WWOX: variants seen among roughly 807,000 people sequenced by gnomAD.
The protein encoded by WWOX is WW domain containing oxidoreductase, also known as WW domain-containing oxidoreductase.
WWOX carries 69 observed loss-of-function variants against 46.2 expected under a neutral mutation model. The observed-to-expected ratio is 1.49, with a 90% CI of 1.23 to 1.82. The LOEUF is 1.82. Ranked by LOEUF, WWOX falls within the 40% of genes most tolerant of loss-of-function variation. The probability of loss-of-function intolerance (pLI) is 0.00; values close to 1 mark genes in which losing one functional copy is unlikely to be tolerated. For synonymous variants in WWOX, 359 were observed against 202.6 expected (o/e 1.77, Z -6.56); for missense variants, 919 against 542.6 (o/e 1.69, Z -6.89).
chr16:79,083,130 G>A (rs1007849059), intron 8 of WWOX, among the ~76,000 whole-genome samples: 1 of 152,132 alleles, frequency 6.6e-6, no homozygotes, highest in Non-Finnish European at 1.5e-5. Context: ...CCATAGTTGG[G>A]AGCCCAGTGT....
chr16:78,712,934 A>G (rs2048474846), intron 8 of WWOX, among the ~76,000 whole-genome samples: 1 of 152,116 alleles, frequency 6.6e-6, no homozygotes, highest in Non-Finnish European at 1.5e-5. Context: ...AATATTATTC[A>G]GAGGTCTCAA....
intron 8 of WWOX, among the ~76,000 whole-genome samples, chr16:79,097,030 G>A (rs536633611): frequency 6.6e-5 from 10 of 152,208 alleles, no homozygotes; most frequent in African/African-American, 2.4e-4. Context: ...AGAAGGCATA[G>A]AAGGATCTCT....
At chr16:78,717,654 G>C (rs2048595181) in intron 8 of WWOX, among the ~76,000 whole-genome samples, 2 of 152,304 alleles carry the variant, frequency 1.3e-5, no homozygotes, top group Admixed American at 1.3e-4. Flanking sequence ...AGAATGGAAT[G>C]AAAGAGGGGT....
At chr16:79,048,318 A>T (rs1163051240) in intron 8 of WWOX, among the ~76,000 whole-genome samples, 1 of 152,090 alleles carries the variant, frequency 6.6e-6, no homozygotes, top group Non-Finnish European at 1.5e-5. Context: ...CAGGGGCCCC[A>T]GCCCTCCAGC....
At position 79,006,074 on chromosome 16, in the gene WWOX, T is replaced by G. The variant is rs1007919142; in HGVS notation, c.1057-205534T>G. ...TGAGTGAACCCATATCAACAAGGCA[T>G]GGTCACTGCGCTAGGGAAGTCCCTG... On this transcript the variant is annotated intron_variant, in intron 8 of 8. Transcript: ENST00000566780. Among the ~76,000 whole-genome samples the G allele has an allele frequency of 3.3e-5, 5 of 152,140 alleles. No homozygotes were observed. In the South Asian group the frequency reaches 6.2e-4, roughly 19 times the overall value.
intron 3 of WWOX, among the ~76,000 whole-genome samples, chr16:78,114,622 GA>G (rs1267716392): frequency 6.6e-5 from 10 of 151,960 alleles, no homozygotes; most frequent in African/African-American, 2.4e-4. Context: ...GAAATCTACT[GA>G]AAAGAGTGGC....
At chr16:78,557,978 A>G (rs1299156641) in intron 8 of WWOX, among the ~76,000 whole-genome samples, 1 of 152,028 alleles carries the variant, frequency 6.6e-6, no homozygotes. Context: ...CAGGAATTTC[A>G]TTGGATTTCT....
intron 8 of WWOX, among the ~76,000 whole-genome samples, chr16:79,075,354 A>G (rs1409017967): frequency 2.0e-5 from 3 of 152,174 alleles, no homozygotes; most frequent in African/African-American, 4.8e-5. Context: ...AAAATCACTT[A>G]TGCTTCCACC....
intron 8 of WWOX, among the ~76,000 whole-genome samples, chr16:79,029,221 C>A (rs1403169269): frequency 6.6e-6 from 1 of 152,172 alleles, no homozygotes; most frequent in Non-Finnish European, 1.5e-5. Context: ...TTGCCCCACC[C>A]CGTCACGGCT....
Position 78,361,597 on chromosome 16 carries a change from C to T in WWOX, c.517-25263C>T, listed in dbSNP as rs923166290. ...TTCTGAAGAAAGAGCTATCCCTTCT[C>T]CCCCATTTCTTTCTTTTCTTTTCTT... On this transcript the variant is annotated intron_variant, in intron 5 of 8. Transcript: ENST00000566780. Among the ~76,000 whole-genome samples, 6 of 152,012 alleles carry T rather than the reference C, an allele frequency of 3.9e-5. No individual in the cohort carries two copies. The East Asian group carries it at 1.2e-3, about 29-fold the overall frequency.
At chr16:78,870,526 T>C (rs2737281) in intron 8 of WWOX, among the ~76,000 whole-genome samples, 109,195 of 151,874 alleles carry the variant, frequency 0.72, 39,543 homozygotes, top group Middle Eastern at 0.83. Context: ...AAAAAACCCT[T>C]ACTGATCTTT....
intron 5 of WWOX, among the ~76,000 whole-genome samples, chr16:78,306,494 C>T (rs1433367673): frequency 6.6e-6 from 1 of 152,188 alleles, no homozygotes; most frequent in East Asian, 1.9e-4. Flanking sequence ...GGCAGGCCCC[C>T]TGTGCAGCTT....
intron 6 of WWOX, among the ~76,000 whole-genome samples, chr16:78,401,881 G>T (rs2151944383): frequency 6.6e-6 from 1 of 152,118 alleles, no homozygotes; most frequent in South Asian, 2.1e-4. Flanking sequence ...TGTATTTTTA[G>T]TAGACACGGG....
chr16:78,457,909 C>CA (rs57956003), intron 8 of WWOX, among the ~76,000 whole-genome samples: 3,023 of 86,910 alleles, frequency 0.035, 78 homozygotes, highest in Middle Eastern at 0.091. Flanking sequence ...GACTCTGACT[C>CA]AAAAAAAAAA....
intron 8 of WWOX, among the ~76,000 whole-genome samples, chr16:79,082,988 C>T (rs1368210001): frequency 6.6e-6 from 1 of 152,046 alleles, no homozygotes; most frequent in Non-Finnish European, 1.5e-5. Flanking sequence ...GTGAGTGGTT[C>T]CCAAAATGCC....
rs372144579 is a variant in WWOX at position 78,753,539 on chromosome 16, C to A, written c.1056+320787C>A. On this transcript the variant is annotated intron_variant, in intron 8 of 8. Coordinates refer to ENST00000566780, the MANE Select transcript of WWOX (RefSeq NM_016373.4). ...ACTTGCCCAGGTGCAGTGGCTCATG[C>A]CTGTAATCCCATCACATTGGGAGGC... Among the ~76,000 whole-genome samples, 154 of 151,936 alleles carry A rather than the reference C, an allele frequency of 1.0e-3. 3 individuals are homozygous for A. The highest frequency in any genetic ancestry group is 3.7e-3 in the African/African-American group (152 of 41,466).
intron 6 of WWOX, among the ~76,000 whole-genome samples, chr16:78,393,059 A>G (rs563279502): frequency 6.6e-6 from 1 of 152,064 alleles, no homozygotes; most frequent in Non-Finnish European, 1.5e-5. Flanking sequence ...GTTCCACCCA[A>G]ACTGGCTTGT....
Position 78,299,638 on chromosome 16 carries a change from C to T in WWOX, c.517-87222C>T, listed in dbSNP as rs149267064. ...CACTTCCTAAGCTCAAGTGATCCTC[C>T]CACCTCAGCCTCCCAAGTAGCTGGG... On this transcript the variant is annotated intron_variant, in intron 5 of 8. Transcript: ENST00000566780. 5.1e-3 allele frequency among the ~76,000 whole-genome samples: 770 copies of T among 151,972 alleles called. 1 individual carries two copies. Among genetic ancestry groups the T allele is most frequent in the Admixed American group, 9.3e-3 (142 of 15,262 alleles).
chr16:78,492,312 C>G (rs12102556), intron 8 of WWOX, among the ~76,000 whole-genome samples: 2,593 of 152,252 alleles, frequency 0.017, 70 homozygotes, highest in Admixed American at 0.045. Flanking sequence ...TTTTTTTCTT[C>G]TTTTCTATCT....
Sources: allele counts gnomAD v4.1 joint callset (sites outside exome capture counted in the v4.1 genomes callset), GRCh38; gene constraint gnomAD v4.1.1; transcripts MANE v1.5; gene names NCBI Gene and HGNC (gene_info 2026-07-23, HGNC 2026-07-21).